NRXN3: variants seen among roughly 807,000 people sequenced by gnomAD.
NRXN3 encodes neurexin III.
In NRXN3, 32 loss-of-function variants were observed where a neutral mutation model predicts 137.6. That is an observed-to-expected ratio of 0.23 (90% CI 0.18 to 0.31). The LOEUF (loss-of-function observed/expected upper bound fraction) is 0.31, where lower values mean the gene tolerates loss of function less well. Among genes scored for constraint, NRXN3 ranks in the 10% least tolerant of loss-of-function variants. The pLI is 1.00. For synonymous variants in NRXN3, 798 were observed against 784.5 expected (o/e 1.02, Z -0.29); for missense variants, 1,574 against 2,062.5 (o/e 0.76, Z 4.59).
intron 16 of NRXN3, among the ~76,000 whole-genome samples, chr14:79,548,761 A>ACC (rs2097345971): frequency 6.9e-6 from 1 of 145,084 alleles, no homozygotes; most frequent in South Asian, 2.2e-4. Flanking sequence ...AAAAAAAAAA[A>ACC]CAAAAAAAAT....
intron 15 of NRXN3, among the ~76,000 whole-genome samples, chr14:79,330,683 T>C (rs2091547375): frequency 6.6e-6 from 1 of 152,056 alleles, no homozygotes; most frequent in African/African-American, 2.4e-5. Flanking sequence ...GCAGATACCA[T>C]CTCCCAATGG....
chr14:79,199,892 G>T (rs1424545305), intron 15 of NRXN3: 1 of 152,146 alleles, frequency 6.6e-6, no homozygotes, highest in Admixed American at 6.5e-5. Flanking sequence ...TAAAAGGCCC[G>T]GAATGCTGAG....
chr14:78,591,826 T>TG (rs1566833556), intron 4 of NRXN3, among the ~76,000 whole-genome samples: 1 of 152,224 alleles, frequency 6.6e-6, no homozygotes, highest in Non-Finnish European at 1.5e-5. Flanking sequence ...CAGTGACAGT[T>TG]GCGCCATCGC....
intron 8 of NRXN3, among the ~76,000 whole-genome samples, chr14:78,737,298 A>G (rs2098545344): frequency 6.6e-6 from 1 of 152,150 alleles, no homozygotes; most frequent in African/African-American, 2.4e-5. Context: ...GAACTGTCCT[A>G]TTGGTACCCA....
rs185864072 is a variant in NRXN3 at position 79,223,166 on chromosome 14, G to C, written c.3262+235025G>C. Among the ~76,000 whole-genome samples, 4 of 152,226 alleles carry C rather than the reference G, an allele frequency of 2.6e-5. No homozygotes were observed. In the East Asian group the frequency reaches 7.7e-4, roughly 29 times the overall value. Reference sequence around the variant, plus strand: ...CCAGTGAAATGAAAGTGATTAGAAAGTCTTAGCAAATTCACCAAAAGTTAG... The same window carrying C: ...CCAGTGAAATGAAAGTGATTAGAAACTCTTAGCAAATTCACCAAAAGTTAG... On this transcript the variant is annotated intron_variant, in intron 15 of 20. Transcript: ENST00000335750.
At chr14:79,268,571 T>C (rs2078800431) in intron 15 of NRXN3, among the ~76,000 whole-genome samples, 1 of 152,188 alleles carries the variant, frequency 6.6e-6, no homozygotes, top group Non-Finnish European at 1.5e-5. Flanking sequence ...CTCATCCACA[T>C]TCCAGAAAAG....
intron 4 of NRXN3, among the ~76,000 whole-genome samples, chr14:78,562,447 G>A (rs1026395542): frequency 1.4e-4 from 21 of 150,248 alleles, no homozygotes; most frequent in African/African-American, 4.9e-4. Flanking sequence ...GGCAGCTCTG[G>A]AAATAGCCCT....
At chr14:79,143,047 C>T (rs1025312318) in intron 15 of NRXN3, among the ~76,000 whole-genome samples, 1 of 151,998 alleles carries the variant, frequency 6.6e-6, no homozygotes, top group Non-Finnish European at 1.5e-5. Context: ...TATCTTGTAT[C>T]TTCATATAAA....
intron 17 of NRXN3, among the ~76,000 whole-genome samples, chr14:79,676,124 T>G (rs2098639478): frequency 1.3e-5 from 2 of 152,076 alleles, no homozygotes; most frequent in Admixed American, 1.3e-4. Context: ...GAGAGCTTCC[T>G]GCTTGAGCTT....
chr14:79,257,361 G>GTGA (rs2153392072), intron 15 of NRXN3, among the ~76,000 whole-genome samples: 1 of 85,774 alleles, frequency 1.2e-5, no homozygotes, highest in Non-Finnish European at 2.5e-5. Flanking sequence ...GGTGGTGGTG[G>GTGA]TGGTGGTGGT....
At chr14:78,731,607 A>ATGTGTG (rs149686835) in intron 8 of NRXN3, among the ~76,000 whole-genome samples, 2 of 148,838 alleles carry the variant, frequency 1.3e-5, no homozygotes, top group African/African-American at 4.9e-5. Context: ...GTATATATAT[A>ATGTGTG]TGTGTGTGTG....
intron 15 of NRXN3, among the ~76,000 whole-genome samples, chr14:79,373,850 A>G (rs926020778): frequency 6.6e-6 from 1 of 152,142 alleles, no homozygotes; most frequent in Non-Finnish European, 1.5e-5. Flanking sequence ...CGAGCTTACT[A>G]TCTATGGTTT....
intron 4 of NRXN3, among the ~76,000 whole-genome samples, chr14:78,565,622 A>T (rs1315373651): frequency 6.6e-6 from 1 of 152,242 alleles, no homozygotes; most frequent in Non-Finnish European, 1.5e-5. Flanking sequence ...TGTCTACCTT[A>T]TAAGGTTGCT....
chr14:79,609,919 AG>A (rs923342817), intron 16 of NRXN3, among the ~76,000 whole-genome samples: 16 of 151,752 alleles, frequency 1.1e-4, no homozygotes, highest in African/African-American at 3.9e-4. Flanking sequence ...GGACACAGAG[AG>A]GGGAACATCA....
intron 19 of NRXN3, among the ~76,000 whole-genome samples, chr14:79,773,155 T>C (rs2099084678): frequency 6.6e-6 from 1 of 152,060 alleles, no homozygotes; most frequent in African/African-American, 2.4e-5. Flanking sequence ...TGTGGAGAAA[T>C]AGGAACACTT....
intron 6 of NRXN3, among the ~76,000 whole-genome samples, chr14:78,668,663 T>C (rs1416527521): frequency 6.6e-6 from 1 of 152,194 alleles, no homozygotes; most frequent in Non-Finnish European, 1.5e-5. Flanking sequence ...GTGCCGAAGC[T>C]GAGACTCTCT....
intron 8 of NRXN3, among the ~76,000 whole-genome samples, chr14:78,721,696 G>A (rs1478852209): frequency 2.0e-5 from 3 of 152,190 alleles, no homozygotes; most frequent in Middle Eastern, 3.4e-3. Context: ...ATGGATTAAC[G>A]AATCGAACCT....
At chr14:79,333,520 GTTC>G (rs1408528847) in intron 15 of NRXN3, among the ~76,000 whole-genome samples, 5 of 152,158 alleles carry the variant, frequency 3.3e-5, no homozygotes, top group Admixed American at 6.5e-5. Flanking sequence ...AGTGGGTGGA[GTTC>G]TTCTTCCCAC....
rs148458640 is a variant in NRXN3 at position 79,468,684 on chromosome 14, G to C, written c.3444+1282G>C. On this transcript the variant is annotated intron_variant, in intron 16 of 20. Transcript: ENST00000335750. The stretch of plus-strand genomic sequence containing the variant: ...GCCCAGCTCCCACAGCAGTGCGCAT[G>C]TCTGACACTTGCTCTTCCAGCATGC... 2.1e-4 allele frequency among the ~76,000 whole-genome samples: 32 copies of C among 152,332 alleles called. 2 individuals are homozygous for C. The East Asian group carries it at 3.7e-3, about 17-fold the overall frequency.
Sources: allele counts gnomAD v4.1 joint callset (sites outside exome capture counted in the v4.1 genomes callset), GRCh38; gene constraint gnomAD v4.1.1; transcripts MANE v1.5; gene names NCBI Gene and HGNC (gene_info 2026-07-23, HGNC 2026-07-21).